The following ARHGEF28 variants were observed in gnomAD, a reference collection of about 807,000 sequenced individuals.
ARHGEF28 encodes the protein Rho guanine nucleotide exchange factor 28.
A neutral mutation model predicts 206.6 loss-of-function variants in ARHGEF28; 152 were observed. That is an observed-to-expected ratio of 0.74 (90% CI 0.64 to 0.84). The LOEUF (loss-of-function observed/expected upper bound fraction) is 0.84. ARHGEF28 is among the 40% of genes least tolerant of loss of function. ARHGEF28 has a pLI of 0.00. For missense variants in ARHGEF28, 2,028 were observed against 2,073.2 expected (o/e 0.98, Z 0.42); for synonymous variants, 763 against 776.4 (o/e 0.98, Z 0.29).
chr5:73,752,480 G>A (rs1410256878), intron 3 of ARHGEF28, among the ~76,000 whole-genome samples: 2 of 152,174 alleles, frequency 1.3e-5, no homozygotes, highest in African/African-American at 2.4e-5. Context: ...TTGTGTAATT[G>A]TATGGTGCTA....
rs1762745459 is a variant in ARHGEF28 at position 73,909,480 on chromosome 5, G to A, written c.4230G>A (p.Leu1410=). Residue 1410 remains leucine, a synonymous_variant, in exon 34 of 36, where the codon CTG becomes CTA. Transcript: ENST00000513042. ...HRLVLQQQEG[L]SLGHSILRGG... ...TGGTTCTCCAGCAGCAGGAGGGCCT[G>A]TCTCTCGGCCACTCTATCCTCCGAG... 1 of 1,612,802 alleles carries A rather than the reference G, an allele frequency of 6.2e-7. No individual in the cohort carries two copies. The highest frequency in any genetic ancestry group is 8.5e-7 in the Non-Finnish European group (1 of 1,179,616).
chr5:73,774,784 G>T (rs553007169), intron 5 of ARHGEF28, among the ~76,000 whole-genome samples: 1 of 152,108 alleles, frequency 6.6e-6, no homozygotes, highest in Non-Finnish European at 1.5e-5. Context: ...ACTTAACGTG[G>T]TAAAAAACCA....
chr5:73,813,730 C>T, intron 9 of ARHGEF28: 3 of 1,500,746 alleles, frequency 2.0e-6, no homozygotes, highest in East Asian at 4.9e-5. Context: ...CCTATTCTTT[C>T]TTTTCCGTGT....
intron 4 of ARHGEF28, among the ~76,000 whole-genome samples, chr5:73,760,958 A>G (rs1047350518): frequency 1.3e-5 from 2 of 152,220 alleles, no homozygotes; most frequent in Admixed American, 1.3e-4. Flanking sequence ...ATAGAGAATT[A>G]CGCACTTACT....
intron 9 of ARHGEF28, among the ~76,000 whole-genome samples, chr5:73,831,323 C>T (rs967494561): frequency 6.6e-6 from 1 of 152,154 alleles, no homozygotes; most frequent in Non-Finnish European, 1.5e-5. Flanking sequence ...AGACACAAGG[C>T]GTTCTAGCTC....
intron 9 of ARHGEF28, among the ~76,000 whole-genome samples, chr5:73,799,180 C>G (rs1234632821): frequency 6.6e-6 from 1 of 152,142 alleles, no homozygotes; most frequent in Non-Finnish European, 1.5e-5. Context: ...CTTTGGGCAG[C>G]AGCAAATGTT....
chr5:73,780,377 G>A, intron 6 of ARHGEF28: 1 of 322,584 alleles, frequency 3.1e-6, no homozygotes, highest in Non-Finnish European at 5.8e-6. Context: ...AAGATTTTCG[G>A]TTCTCTTTCT....
intron 1 of ARHGEF28, among the ~76,000 whole-genome samples, chr5:73,631,253 A>T (rs896362498): frequency 1.3e-5 from 2 of 152,222 alleles, no homozygotes; most frequent in Non-Finnish European, 1.5e-5. Context: ...GATGGTTCAG[A>T]CAAAGTCCCT....
At chr5:73,891,057 T>C (rs968555709) in intron 26 of ARHGEF28, among the ~76,000 whole-genome samples, 6 of 152,222 alleles carry the variant, frequency 3.9e-5, no homozygotes, top group African/African-American at 1.4e-4. Flanking sequence ...GGTGGACTTA[T>C]GTGAAACTAG....
At chr5:73,757,346 T>G (rs1280199267) in intron 4 of ARHGEF28, among the ~76,000 whole-genome samples, 1 of 152,236 alleles carries the variant, frequency 6.6e-6, no homozygotes, top group African/African-American at 2.4e-5. Context: ...AGTGTTCACT[T>G]TTATTAAAAT....
At chr5:73,649,824 C>T (rs2112161432) in intron 1 of ARHGEF28, among the ~76,000 whole-genome samples, 1 of 152,258 alleles carries the variant, frequency 6.6e-6, no homozygotes, top group East Asian at 1.9e-4. Flanking sequence ...AAAAGACGGG[C>T]TGGCACAGTG....
At chr5:73,870,245 G>A in intron 21 of ARHGEF28, 36 bp downstream of exon 21, 3 of 1,588,860 alleles carry the variant, frequency 1.9e-6, no homozygotes, top group Non-Finnish European at 2.6e-6. Context: ...GGTTGAAGCA[G>A]TGCGGTTCAG....
chr5:73,697,109 A>G (rs1748263380), intron 2 of ARHGEF28, among the ~76,000 whole-genome samples: 2 of 152,238 alleles, frequency 1.3e-5, no homozygotes, highest in Non-Finnish European at 2.9e-5. Flanking sequence ...AAATTAAGGA[A>G]GTCTTTTCGA....
At position 73,894,603 on chromosome 5, in the gene ARHGEF28, C is replaced by T. The variant is rs754921227; in HGVS notation, c.3841+28C>T. 3.1e-5 allele frequency: 50 copies of T among 1,605,980 alleles called. No homozygotes were observed. The Middle Eastern group carries it at 1.2e-3, about 37-fold the overall frequency. On this transcript the variant is annotated intron_variant, in intron 29 of 35. Coordinates refer to ENST00000513042, the MANE Select transcript of ARHGEF28 (RefSeq NM_001177693.2). ...AAACTGCTGTGAGAAGGGTTTGGGT[C>T]GACACGTTCAGAAAATGTTTATTGA...
chr5:73,880,846 C>T (rs1328412865), intron 22 of ARHGEF28, among the ~76,000 whole-genome samples: 2 of 151,908 alleles, frequency 1.3e-5, no homozygotes, highest in African/African-American at 2.4e-5. Flanking sequence ...GTGGGCAGAT[C>T]GCCTGAGCCT....
At chr5:73,781,706 T>C (rs888914787) in intron 7 of ARHGEF28, among the ~76,000 whole-genome samples, 4 of 152,220 alleles carry the variant, frequency 2.6e-5, no homozygotes, top group African/African-American at 9.6e-5. Flanking sequence ...TTGCGTCTCC[T>C]AGGGTATTTA....
intron 33 of ARHGEF28, chr5:73,904,748 C>T (rs1468649438): frequency 3.8e-6 from 1 of 262,272 alleles, no homozygotes; most frequent in African/African-American, 2.2e-5. Flanking sequence ...ACCTAAAATT[C>T]TTTGACTTCT....
chr5:73,772,213 C>G (rs1318286987), intron 4 of ARHGEF28, among the ~76,000 whole-genome samples: 2 of 152,046 alleles, frequency 1.3e-5, no homozygotes, highest in African/African-American at 4.8e-5. Context: ...TTGTAGAAAC[C>G]TGGCTTCCCA....
intron 2 of ARHGEF28, among the ~76,000 whole-genome samples, chr5:73,723,504 A>G (rs1456762150): frequency 1.3e-5 from 2 of 152,206 alleles, no homozygotes; most frequent in Non-Finnish European, 2.9e-5. Flanking sequence ...GTTTTTTAAG[A>G]AAAACAATTT....
Sources: gnomAD v4.1 joint callset for allele counts (sites outside exome capture counted in the v4.1 genomes callset) on GRCh38, gnomAD v4.1.1 for gene constraint, MANE v1.5 for transcripts, NCBI Gene and HGNC (gene_info 2026-07-23, HGNC 2026-07-21) for gene names.